Variants in VAV3 observed in about 807,000 individuals in gnomAD.
VAV3 encodes the protein guanine nucleotide exchange factor VAV3.
Under a neutral mutation model 131.2 loss-of-function variants are expected in VAV3, and 94 were observed. The ratio of observed to expected loss-of-function variants is 0.72; its 90% CI spans 0.61 to 0.85. The LOEUF is 0.85. Ranked by LOEUF, VAV3 falls within the 40% of genes least tolerant of loss-of-function variation. VAV3 has a pLI of 0.00. For missense variants in VAV3, 939 were observed against 1,002.7 expected (o/e 0.94, Z 0.86); for synonymous variants, 349 against 342.0 (o/e 1.02, Z -0.22).
chr1:107,956,348 T>TC (rs1491564603), intron 1 of VAV3, among the ~76,000 whole-genome samples: 1 of 152,112 alleles, frequency 6.6e-6, no homozygotes, highest in Non-Finnish European at 1.5e-5. Flanking sequence ...GTTCTCAAAC[T>TC]TTTTTTTCCT....
chr1:107,728,838 G>A (rs1662039795), intron 15 of VAV3, among the ~76,000 whole-genome samples: 1 of 152,112 alleles, frequency 6.6e-6, no homozygotes, highest in African/African-American at 2.4e-5. Flanking sequence ...AATTATAATT[G>A]TCACCAAGTA....
chr1:107,732,727 A>G (rs1662331624), intron 15 of VAV3, among the ~76,000 whole-genome samples: 1 of 152,110 alleles, frequency 6.6e-6, no homozygotes, highest in African/African-American at 2.4e-5. Flanking sequence ...ACCTGGGTGG[A>G]GCCCACCTCA....
chr1:107,696,743 A>C (rs1659771956), intron 17 of VAV3, among the ~76,000 whole-genome samples: 1 of 152,150 alleles, frequency 6.6e-6, no homozygotes, highest in Non-Finnish European at 1.5e-5. Context: ...GGCTGTTGAA[A>C]TGATTTCCCT....
chr1:107,819,954 G>A (rs1218000619), intron 2 of VAV3, among the ~76,000 whole-genome samples: 1 of 152,112 alleles, frequency 6.6e-6, no homozygotes, highest in Admixed American at 6.5e-5. Context: ...AAGACAGGCA[G>A]TAACAAATGC....
At chr1:107,858,527 T>C (rs1051541696) in intron 2 of VAV3, among the ~76,000 whole-genome samples, 1 of 152,206 alleles carries the variant, frequency 6.6e-6, no homozygotes, top group Non-Finnish European at 1.5e-5. Context: ...TGAGCATTAC[T>C]GCCTGAGCTC....
intron 1 of VAV3, among the ~76,000 whole-genome samples, chr1:107,945,836 AAG>A (rs367585080): frequency 0.48 from 43,910 of 90,842 alleles, 8,161 homozygotes; most frequent in South Asian, 0.59. Context: ...AAAAAAAAAA[AAG>A]AAAGAAAGAA....
In VAV3 at chr1:107,770,784, C is replaced by G. The variant is rs966218629; in HGVS notation, c.556-56G>C. 22 of 1,405,982 alleles carry G rather than the reference C, an allele frequency of 1.6e-5. 1 individual carries two copies. Among genetic ancestry groups the G allele is most frequent in the South Asian group, 5.0e-5 (4 of 79,278 alleles). The allele number at this position is 1,405,982 out of a possible 1,614,324, so 87.1% of individuals were successfully genotyped here. ...TTAATAAAATCATATATTAACCTAT[C>G]GGGAAGTAGAGATCAAAAGCATTGC... On this transcript the variant is annotated intron_variant, in intron 5 of 26. Coordinates refer to ENST00000370056, the MANE Select transcript of VAV3 (RefSeq NM_006113.5).
chr1:107,769,116 A>T (rs1253635638), intron 6 of VAV3, among the ~76,000 whole-genome samples: 4 of 152,278 alleles, frequency 2.6e-5, no homozygotes, highest in African/African-American at 7.2e-5. Flanking sequence ...CATATGCTTC[A>T]TAGCACTAAT....
At chr1:107,628,476 A>G (rs1557715347) in intron 20 of VAV3, among the ~76,000 whole-genome samples, 1 of 152,184 alleles carries the variant, frequency 6.6e-6, no homozygotes, top group African/African-American at 2.4e-5. Flanking sequence ...ACCAGCCCCC[A>G]GGTTCGTTGC....
chr1:107,714,966 C>T (rs1316256502), intron 15 of VAV3, among the ~76,000 whole-genome samples: 1 of 151,832 alleles, frequency 6.6e-6, no homozygotes, highest in Admixed American at 6.6e-5. Flanking sequence ...AGTGACATTG[C>T]AAAGAAATTA....
chr1:107,626,546 T>C (rs1309039735), intron 20 of VAV3, among the ~76,000 whole-genome samples: 1 of 152,186 alleles, frequency 6.6e-6, no homozygotes, highest in Non-Finnish European at 1.5e-5. Flanking sequence ...CAGTTTCAAT[T>C]CTGCCTTGGC....
chr1:107,699,076 T>C (rs1448993637), intron 17 of VAV3, among the ~76,000 whole-genome samples: 1 of 152,192 alleles, frequency 6.6e-6, no homozygotes, highest in African/African-American at 2.4e-5. Flanking sequence ...AACACAATCA[T>C]GCCTACCCAA....
chr1:107,814,140 C>T (rs1667461135), intron 2 of VAV3, among the ~76,000 whole-genome samples: 1 of 152,014 alleles, frequency 6.6e-6, no homozygotes, highest in African/African-American at 2.4e-5. Context: ...CTTTGATATA[C>T]TTTTTTTCTT....
chr1:107,711,826 T>C (rs1174104531), intron 15 of VAV3, among the ~76,000 whole-genome samples: 2 of 152,064 alleles, frequency 1.3e-5, no homozygotes, highest in East Asian at 3.9e-4. Flanking sequence ...TAGCTGGATA[T>C]GGGCATGCAC....
At chr1:107,882,201 AT>A (rs1571087038) in intron 1 of VAV3, among the ~76,000 whole-genome samples, 1 of 152,318 alleles carries the variant, frequency 6.6e-6, no homozygotes, top group Non-Finnish European at 1.5e-5. Context: ...GTGAGTGCTA[AT>A]AGACCTTCAC....
intron 21 of VAV3, among the ~76,000 whole-genome samples, chr1:107,615,540 C>A (rs894229626): frequency 6.6e-6 from 1 of 151,976 alleles, no homozygotes; most frequent in African/African-American, 2.4e-5. Flanking sequence ...TAGGACCCAG[C>A]AAAGATTTAA....
At chr1:107,722,625 T>C (rs2101926753) in intron 15 of VAV3, among the ~76,000 whole-genome samples, 1 of 152,310 alleles carries the variant, frequency 6.6e-6, no homozygotes, top group Non-Finnish European at 1.5e-5. Context: ...ATGGAATTGA[T>C]GACCTTGAAG....
chr1:107,579,584 A>G (rs1156688944), intron 25 of VAV3, among the ~76,000 whole-genome samples: 2 of 152,218 alleles, frequency 1.3e-5, no homozygotes, highest in East Asian at 1.9e-4. Context: ...CACCATCCCA[A>G]TTCAGGTATC....
At chr1:107,946,843 A>G (rs1384003647) in intron 1 of VAV3, among the ~76,000 whole-genome samples, 2 of 152,266 alleles carry the variant, frequency 1.3e-5, no homozygotes, top group Non-Finnish European at 2.9e-5. Context: ...GGAAATAGAC[A>G]TTAATAACAC....
Sources: allele counts gnomAD v4.1 joint callset (sites outside exome capture counted in the v4.1 genomes callset), GRCh38; gene constraint gnomAD v4.1.1; transcripts MANE v1.5; gene names NCBI Gene and HGNC (gene_info 2026-07-23, HGNC 2026-07-21).